TBC1D12: variants seen among roughly 807,000 people sequenced by gnomAD.
The protein encoded by TBC1D12 is TBC1 domain family member 12.
Under a neutral mutation model 86.7 loss-of-function variants are expected in TBC1D12, and 56 were observed. The ratio of observed to expected loss-of-function variants is 0.65; its 90% CI spans 0.52 to 0.81. TBC1D12 has a LOEUF of 0.81. Among genes scored for constraint, TBC1D12 ranks in the 30% least tolerant of loss-of-function variants. The pLI is 0.00. For missense variants in TBC1D12, 1,023 were observed against 1,038.8 expected, an observed-to-expected ratio of 0.98 and a Z score of 0.21; for synonymous variants, 421 against 411.7, an observed-to-expected ratio of 1.02 and a Z score of -0.27.
In TBC1D12 at chr10:94,458,593, G is replaced by A. The variant is rs143055333; in HGVS notation, c.1096-16075G>A. 3.4e-3 allele frequency among the ~76,000 whole-genome samples: 521 copies of A among 152,216 alleles called. 1 individual carries two copies. Among genetic ancestry groups the A allele is most frequent in the Non-Finnish European group, 5.4e-3 (364 of 68,002 alleles). ...TTCAAGAATGAAGCCACGGACCCAC[G>A]TGGTGAGTGTTACAGTTCTTAAAGA... On this transcript the variant is annotated intron_variant, in intron 2 of 12. Coordinates refer to ENST00000225235, the MANE Select transcript of TBC1D12 (RefSeq NM_015188.2).
rs574289887 is a variant in TBC1D12 at position 94,535,162 on chromosome 10, A to G, written c.*2066A>G. On this transcript the variant is annotated 3_prime_UTR_variant, in exon 13 of 13. Transcript: ENST00000225235. ...GAATGCATTGGCTTTCGGAACTGCT[A>G]CTAGAGACATACATGAGGCAGCGAA... is the stretch of plus-strand genomic sequence containing the variant. 2.6e-5 allele frequency: 4 copies of G among 152,254 alleles called. No homozygotes were observed. The highest frequency in any genetic ancestry group is 1.3e-4 in the Admixed American group (2 of 15,286). 9.4% of individuals were successfully genotyped at this position (152,254 alleles called of 1,614,324 possible).
At chr10:94,467,937 G>A (rs2055848719) in intron 2 of TBC1D12, among the ~76,000 whole-genome samples, 1 of 152,222 alleles carries the variant, frequency 6.6e-6, no homozygotes, top group Non-Finnish European at 1.5e-5. Context: ...TGTCAATGCA[G>A]TGACAAACTA....
At position 94,531,406 on chromosome 10, in the gene TBC1D12, G is replaced by A. The variant is rs201483355; in HGVS notation, c.2205G>A (p.Leu735=). 4.3e-6 allele frequency: 7 copies of A among 1,614,066 alleles called. No individual in the cohort carries two copies. Among genetic ancestry groups the A allele is most frequent in the South Asian group, 3.3e-5 (3 of 91,070 alleles). The change falls in exon 12 of 13, where the codon CTG becomes CTA. Residue 735 remains leucine (L), a synonymous_variant. Transcript: ENST00000225235. ...KLPEDITSEK[L]FSCIAAIQMQ... ...CAGAAGATATCACATCGGAAAAGCT[G>A]TTCAGTTGTATTGCAGCCATTCAGA...
rs2056330908 is a variant in TBC1D12, at chr10:94,497,144, A to G, written c.1384A>G (p.Asn462Asp). 2.6e-6 allele frequency: 4 copies of G among 1,556,160 alleles called. No individual in the cohort carries two copies. In the South Asian group the frequency reaches 4.9e-5, roughly 19 times the overall value. The change falls in exon 5 of 13, where the codon AAT (asparagine) becomes GAT (aspartate). Residue 462 changes from asparagine (N) to aspartate (D), a missense_variant. Physicochemically the swap from Asn to Asp is conservative, Grantham distance 23. Coordinates refer to ENST00000225235, the MANE Select transcript of TBC1D12 (RefSeq NM_015188.2). ...NIASAMVIWI[N>D]EILPNWEVMR... is the part of the protein sequence containing the mutation. ...TGCAAGTGCAATGGTAATTTGGATC[A>G]ATGAAATACTGCCCAATTGGGAAGT...
Position 94,474,717 on chromosome 10 carries a change from C to T in TBC1D12, c.1145C>T (p.Ser382Leu). 1 of 1,614,088 alleles carries T rather than the reference C, an allele frequency of 6.2e-7. No individual in the cohort carries two copies. The highest frequency in any genetic ancestry group is 8.5e-7 in the Non-Finnish European group (1 of 1,180,018). The change falls in exon 3 of 13, where the codon TCA becomes TTA. Residue 382 changes from serine to leucine, a missense_variant. Ser to Leu is a moderately radical substitution (Grantham distance 145). Around this residue, in one of 2 missense-constraint regions of TBC1D12, gnomAD observed 395 missense variants for 507.7 expected, o/e 0.78. Coordinates refer to ENST00000225235, the MANE Select transcript of TBC1D12 (RefSeq NM_015188.2). ...ACCTGTAAACCACCACCTCAGTCTT[C>T]AAGACGCAAGAATTTTGAATTTGAG... ...GRTCKPPPQSSRRKNFEFEPL... is the reference protein window; with the variant it reads ...GRTCKPPPQSLRRKNFEFEPL...
At chr10:94,428,498 G>A (rs565329883) in intron 1 of TBC1D12, among the ~76,000 whole-genome samples, 1 of 151,610 alleles carries the variant, frequency 6.6e-6, no homozygotes, top group African/African-American at 2.4e-5. Flanking sequence ...ATGTTAGACA[G>A]GGTAATCTCC....
chr10:94,494,828 G>T (rs949520573), intron 4 of TBC1D12, among the ~76,000 whole-genome samples: 3 of 152,062 alleles, frequency 2.0e-5, no homozygotes, highest in Non-Finnish European at 4.4e-5. Flanking sequence ...TCAGGTGTGA[G>T]CCACCACATC....
chr10:94,459,743 G>A (rs2055694701), intron 2 of TBC1D12, among the ~76,000 whole-genome samples: 1 of 152,322 alleles, frequency 6.6e-6, no homozygotes, highest in African/African-American at 2.4e-5. Context: ...TGGCCTGGGT[G>A]CTAAGCCCCT....
At chr10:94,487,999 A>G (rs1589652453) in intron 3 of TBC1D12, among the ~76,000 whole-genome samples, 1 of 151,854 alleles carries the variant, frequency 6.6e-6, no homozygotes, top group Non-Finnish European at 1.5e-5. Context: ...ATAATGGCTG[A>G]CTTGTTGTTA....
At chr10:94,498,165 G>A (rs978152685) in intron 5 of TBC1D12, among the ~76,000 whole-genome samples, 15 of 151,928 alleles carry the variant, frequency 9.9e-5, no homozygotes, top group Admixed American at 8.5e-4. Flanking sequence ...ATTGTAAGAC[G>A]CACTATTGAT....
At chr10:94,520,321 G>A (rs982700446) in intron 9 of TBC1D12, among the ~76,000 whole-genome samples, 7 of 152,050 alleles carry the variant, frequency 4.6e-5, no homozygotes, top group Non-Finnish European at 7.4e-5. Context: ...GGGAGGCCGA[G>A]GTGGGTGGAT....
At chr10:94,506,914 C>CT (rs2056467201) in intron 6 of TBC1D12, among the ~76,000 whole-genome samples, 1 of 152,120 alleles carries the variant, frequency 6.6e-6, no homozygotes, top group African/African-American at 2.4e-5. Flanking sequence ...AAATAACTTT[C>CT]TTGAAGTCCC....
chr10:94,442,375 C>T (rs981756173), intron 2 of TBC1D12, among the ~76,000 whole-genome samples: 2 of 152,010 alleles, frequency 1.3e-5, no homozygotes, highest in African/African-American at 4.8e-5. Flanking sequence ...CACAGATGTT[C>T]TGAATATTGG....
At chr10:94,430,132 CCT>C (rs2055196214) in intron 1 of TBC1D12, among the ~76,000 whole-genome samples, 1 of 152,180 alleles carries the variant, frequency 6.6e-6, no homozygotes, top group African/African-American at 2.4e-5. Context: ...CTCAAGCAGT[CCT>C]CCTTCAGCCG....
chr10:94,429,240 CAG>C (rs1269129925), intron 1 of TBC1D12, among the ~76,000 whole-genome samples: 1 of 151,776 alleles, frequency 6.6e-6, no homozygotes, highest in Admixed American at 6.6e-5. Flanking sequence ...GCTCTGATCT[CAG>C]AAAATATCTG....
At chr10:94,492,131 G>A (rs2056253086) in intron 3 of TBC1D12, among the ~76,000 whole-genome samples, 1 of 152,066 alleles carries the variant, frequency 6.6e-6, no homozygotes, top group Admixed American at 6.6e-5. Flanking sequence ...TCCAATTGAT[G>A]GCAACATATT....
At chr10:94,452,167 T>A (rs767318713) in intron 2 of TBC1D12, among the ~76,000 whole-genome samples, 1 of 151,878 alleles carries the variant, frequency 6.6e-6, no homozygotes, top group Admixed American at 6.6e-5. Context: ...CATAGCAGAT[T>A]TGAGGAGAAA....
intron 1 of TBC1D12, among the ~76,000 whole-genome samples, chr10:94,408,592 C>T (rs2054887708): frequency 6.6e-6 from 1 of 152,086 alleles, no homozygotes; most frequent in South Asian, 2.1e-4. Context: ...ACAAAGTCAG[C>T]CACGTCCTTT....
chr10:94,442,050 C>T (rs1196832412), intron 2 of TBC1D12, 31 bp downstream of exon 2: 4 of 1,558,124 alleles, frequency 2.6e-6, no homozygotes, highest in Non-Finnish European at 3.4e-6. Flanking sequence ...GTAGTTTACC[C>T]TAGCTTTTCA....
Sources: gnomAD v4.1 joint callset for allele counts (sites outside exome capture counted in the v4.1 genomes callset) on GRCh38, gnomAD v4.1.1 for gene constraint, gnomAD v4.1.1 regional missense constraint, MANE v1.5 for transcripts, NCBI Gene and HGNC (gene_info 2026-07-23, HGNC 2026-07-21) for gene names.